GAK: variants seen among roughly 807,000 people sequenced by gnomAD.
GAK encodes cyclin G associated kinase, also known as cyclin-G-associated kinase.
Under a neutral mutation model 143.9 loss-of-function variants are expected in GAK, and 79 were observed. The ratio of observed to expected loss-of-function variants is 0.55; its 90% confidence interval spans 0.46 to 0.66. The LOEUF (loss-of-function observed/expected upper bound fraction) is 0.66. Ranked by LOEUF, GAK falls within the 30% of genes least tolerant of loss-of-function variation. The pLI, the probability that GAK is intolerant of heterozygous loss-of-function variation, is 0.00. For missense variants in GAK, 1,693 were observed against 1,779.7 expected (o/e 0.95, Z 0.88); for synonymous variants, 881 against 765.5 (o/e 1.15, Z -2.49).
At chr4:870,440 G>A (rs1233856881) in intron 19 of GAK, among the ~76,000 whole-genome samples, 1 of 152,184 alleles carries the variant, frequency 6.6e-6, no homozygotes, top group African/African-American at 2.4e-5. Context: ...ACCCCGCTTC[G>A]CTCCAGGAGC....
rs201272980 is a variant in GAK at position 882,801 on chromosome 4, C to T, written c.1423G>A (p.Ala475Thr). 9.3e-5 allele frequency: 150 copies of T among 1,610,258 alleles called. No homozygotes were observed. The highest frequency in any genetic ancestry group is 4.2e-4 in the Middle Eastern group (2 of 4,752). The change falls in exon 14 of 28, where the codon GCA becomes ACA. Residue 475 changes from alanine (A) to threonine (T), a missense_variant. Coordinates refer to ENST00000314167, the MANE Select transcript of GAK (RefSeq NM_005255.4). The part of the protein sequence containing the change: ...FHNRVSECGW[A>T]ARRAPHLHTL... Reference sequence around the variant, plus strand: ...TGCAGGTGTGGGGCCCGCCGTGCTGCCCAGCCACACTCGGAGACCTGTGGG... The same window carrying T: ...TGCAGGTGTGGGGCCCGCCGTGCTGTCCAGCCACACTCGGAGACCTGTGGG...
chr4:889,835 A>G (rs1200279589), intron 10 of GAK, among the ~76,000 whole-genome samples: 1 of 152,184 alleles, frequency 6.6e-6, no homozygotes, highest in African/African-American at 2.4e-5. Context: ...TTCCAAGAGC[A>G]TGCAGCGTCT....
chr4:896,868 G>T (rs1718903731), intron 6 of GAK, among the ~76,000 whole-genome samples: 1 of 152,268 alleles, frequency 6.6e-6, no homozygotes, highest in Non-Finnish European at 1.5e-5. Flanking sequence ...GAGGAGAAGG[G>T]TGTCTCACCT....
At chr4:854,436 G>T (rs186665728) in intron 24 of GAK, among the ~76,000 whole-genome samples, 1 of 152,298 alleles carries the variant, frequency 6.6e-6, no homozygotes, top group Non-Finnish European at 1.5e-5. Flanking sequence ...GGTGTGGTTT[G>T]GGTGGCGAGT....
chr4:903,128 C>T (rs573443626), intron 5 of GAK, among the ~76,000 whole-genome samples: 29 of 152,314 alleles, frequency 1.9e-4, no homozygotes, highest in South Asian at 1.0e-3. Context: ...GGCCCAGCCC[C>T]GGCCCAGAAC....
chr4:905,611 ACCAGGCCACGCTTCGGACTCTGCCACGCC>A (rs1041757073), intron 4 of GAK, among the ~76,000 whole-genome samples: 4 of 129,852 alleles, frequency 3.1e-5, no homozygotes, highest in African/African-American at 1.2e-4. Context: ...ACTCCGCCAA[ACCAGGCCACGCTTCGGACTCTGCCACGCC>A]CCAGGCCATG....
intron 9 of GAK, among the ~76,000 whole-genome samples, chr4:891,253 A>G (rs1402464756): frequency 6.7e-6 from 1 of 148,526 alleles, no homozygotes; most frequent in African/African-American, 2.5e-5. Context: ...GAGCCACTGC[A>G]CCCAGGCTTT....
intron 8 of GAK, 53 bp from the exon 9 acceptor site, chr4:893,542 A>C: frequency 7.7e-7 from 1 of 1,303,132 alleles, no homozygotes; most frequent in East Asian, 2.7e-5. Flanking sequence ...GCGGGTCAGC[A>C]CCCCCTGCAC....
intron 24 of GAK, among the ~76,000 whole-genome samples, chr4:858,684 G>A (rs1411712074): frequency 6.6e-6 from 1 of 152,240 alleles, no homozygotes; most frequent in African/African-American, 2.4e-5. Context: ...AGAACAGAAG[G>A]CACTTCAGAT....
chr4:857,388 G>T (rs1749479527), intron 24 of GAK, among the ~76,000 whole-genome samples: 1 of 152,184 alleles, frequency 6.6e-6, no homozygotes, highest in South Asian at 2.1e-4. Flanking sequence ...GGTGGAATTG[G>T]CATTCTCTTT....
chr4:852,134 G>C (rs1422955778), intron 24 of GAK, 160 bp from the exon 25 acceptor site: 5 of 678,488 alleles, frequency 7.4e-6, no homozygotes, highest in African/African-American at 1.8e-5. Context: ...ACCCACACGT[G>C]TGAAGGTCTC....
chr4:870,248 G>A (rs1352959923), intron 19 of GAK, among the ~76,000 whole-genome samples: 3 of 152,226 alleles, frequency 2.0e-5, no homozygotes, highest in East Asian at 1.9e-4. Flanking sequence ...AGCAGTGGAC[G>A]GCCCTGGGCC....
At chr4:931,976 C>G in intron 1 of GAK, 67 bp downstream of exon 1, 6 of 1,191,532 alleles carry the variant, frequency 5.0e-6, no homozygotes, top group Non-Finnish European at 7.2e-6. Flanking sequence ...TCCGGGCTGA[C>G]GCTGCCCCCA....
At chr4:860,941 T>C (rs1163994952) in intron 23 of GAK, among the ~76,000 whole-genome samples, 1 of 152,254 alleles carries the variant, frequency 6.6e-6, no homozygotes, top group East Asian at 1.9e-4. Context: ...TGTGTCCCTG[T>C]GCCCCATTTT....
rs113140742 is a variant in GAK, at chr4:924,323, G to A, written c.145+7720C>T. On this transcript the variant is annotated intron_variant, in intron 1 of 27. Transcript: ENST00000314167. ...AGAAATGCTGGTGAGGAAGTGGAGA[G>A]CCAGGAACTCTCCACTGCAGCTGGT... is the stretch of plus-strand genomic sequence containing the variant. Among the ~76,000 whole-genome samples, 70 of 152,230 alleles carry A rather than the reference G, an allele frequency of 4.6e-4. 1 individual carries two copies. The highest frequency in any genetic ancestry group is 1.6e-3 in the African/African-American group (67 of 41,536).
intron 4 of GAK, among the ~76,000 whole-genome samples, chr4:910,820 C>T (rs746284091): frequency 2.6e-5 from 4 of 152,124 alleles, no homozygotes; most frequent in Admixed American, 2.6e-4. Context: ...CTGAGGCCTC[C>T]CCGAGTGCTC....
chr4:917,054 C>G (rs1027734387), intron 1 of GAK, among the ~76,000 whole-genome samples: 1 of 152,080 alleles, frequency 6.6e-6, no homozygotes, highest in Non-Finnish European at 1.5e-5. Flanking sequence ...GGCAGTATGC[C>G]GAGTAAAAGA....
At chr4:897,589 G>A (rs1719035919) in intron 6 of GAK, among the ~76,000 whole-genome samples, 1 of 152,244 alleles carries the variant, frequency 6.6e-6, no homozygotes, top group South Asian at 2.1e-4. Context: ...GAGGGGCTGT[G>A]AGAGGGCATG....
At chr4:864,081 G>C (rs1425066806) in intron 23 of GAK, among the ~76,000 whole-genome samples, 1 of 152,168 alleles carries the variant, frequency 6.6e-6, no homozygotes, top group Admixed American at 6.5e-5. Context: ...ACTTTTAGCT[G>C]GGTGCAGTGG....
Sources: gnomAD v4.1 joint callset for allele counts (sites outside exome capture counted in the v4.1 genomes callset) on GRCh38, gnomAD v4.1.1 for gene constraint, MANE v1.5 for transcripts, NCBI Gene and HGNC (gene_info 2026-07-23, HGNC 2026-07-21) for gene names.